Variants in CNTN3 observed in about 807,000 individuals in gnomAD.
CNTN3 encodes contactin 3, also known as contactin-3.
CNTN3 carries 60 observed loss-of-function variants against 119.1 expected under a neutral mutation model. That is an observed-to-expected ratio of 0.50 (90% CI 0.41 to 0.62). The LOEUF (loss-of-function observed/expected upper bound fraction) is 0.62, where lower values mean the gene tolerates loss of function less well. Ranked by LOEUF, CNTN3 falls within the 20% of genes least tolerant of loss-of-function variation. The pLI is 0.00. For synonymous variants in CNTN3, 450 were observed against 438.7 expected (o/e 1.03, Z -0.32); for missense variants, 1,101 against 1,242.4 (o/e 0.89, Z 1.71).
chr3:74,267,905 T>C (rs1170380752), intron 20 of CNTN3, among the ~76,000 whole-genome samples: 1 of 152,126 alleles, frequency 6.6e-6, no homozygotes, highest in African/African-American at 2.4e-5. Context: ...ATGAAGTGTA[T>C]ATGATTTTGG....
At chr3:74,359,525 T>C (rs984536078) in intron 11 of CNTN3, among the ~76,000 whole-genome samples, 1 of 152,128 alleles carries the variant, frequency 6.6e-6, no homozygotes, top group Non-Finnish European at 1.5e-5. Flanking sequence ...CAAAATTAAA[T>C]AGTTTGTGCC....
At chr3:74,597,088 G>A (rs547479938) in intron 1 of CNTN3, among the ~76,000 whole-genome samples, 2 of 151,994 alleles carry the variant, frequency 1.3e-5, no homozygotes, top group African/African-American at 2.4e-5. Context: ...CTTAATGAGA[G>A]GGGGGAAGGA....
intron 4 of CNTN3, among the ~76,000 whole-genome samples, chr3:74,463,953 A>G (rs1463798704): frequency 6.6e-6 from 1 of 152,190 alleles, no homozygotes; most frequent in East Asian, 1.9e-4. Flanking sequence ...TATTTAATGC[A>G]GTTGAAATTT....
intron 11 of CNTN3, among the ~76,000 whole-genome samples, chr3:74,337,407 C>A (rs761334284): frequency 3.3e-5 from 5 of 152,048 alleles, no homozygotes; most frequent in Admixed American, 3.3e-4. Flanking sequence ...GCATAGACAA[C>A]GTAGTACTCT....
At chr3:74,267,444 A>T in intron 20 of CNTN3, 66 bp from the exon 21 acceptor site, 1 of 1,114,670 alleles carries the variant, frequency 9.0e-7, no homozygotes, top group Non-Finnish European at 1.4e-6. Context: ...CACGGAGGAG[A>T]TGGCGGCTAT....
At chr3:74,277,700 C>T (rs181737781) in intron 20 of CNTN3, among the ~76,000 whole-genome samples, 1 of 152,068 alleles carries the variant, frequency 6.6e-6, no homozygotes, top group Admixed American at 6.5e-5. Flanking sequence ...CCTCTGAGAA[C>T]TGGAAAAAGA....
intron 18 of CNTN3, among the ~76,000 whole-genome samples, chr3:74,295,797 G>C (rs1702326724): frequency 6.6e-6 from 1 of 152,096 alleles, no homozygotes; most frequent in Non-Finnish European, 1.5e-5. Flanking sequence ...AAAAAGCACT[G>C]TTGAGATTCT....
intron 19 of CNTN3, among the ~76,000 whole-genome samples, chr3:74,288,093 T>A (rs1175086122): frequency 3.3e-5 from 5 of 152,056 alleles, no homozygotes; most frequent in African/African-American, 1.2e-4. Context: ...TTTTTTCCAG[T>A]GACATTTTCA....
intron 1 of CNTN3, among the ~76,000 whole-genome samples, chr3:74,523,107 T>C (rs1370690778): frequency 6.6e-6 from 1 of 151,338 alleles, no homozygotes; most frequent in East Asian, 2.0e-4. Context: ...TCCTTCCTTC[T>C]GCTCAATCAA....
At chr3:74,493,833 A>C (rs1703010623) in intron 3 of CNTN3, among the ~76,000 whole-genome samples, 1 of 152,210 alleles carries the variant, frequency 6.6e-6, no homozygotes, top group Non-Finnish European at 1.5e-5. Flanking sequence ...ATAATTGCTA[A>C]AGACCTAAAT....
intron 11 of CNTN3, among the ~76,000 whole-genome samples, chr3:74,353,769 A>C (rs1485459854): frequency 6.6e-6 from 1 of 152,088 alleles, no homozygotes; most frequent in Non-Finnish European, 1.5e-5. Flanking sequence ...AAAAAAATTA[A>C]TTAATTAATT....
At chr3:74,417,771 A>G (rs573155804) in intron 5 of CNTN3, among the ~76,000 whole-genome samples, 1 of 152,322 alleles carries the variant, frequency 6.6e-6, no homozygotes, top group African/African-American at 2.4e-5. Context: ...TTATATGTCA[A>G]TTGATTCAGA....
chr3:74,422,467 C>A (rs920066435), intron 5 of CNTN3, among the ~76,000 whole-genome samples: 1 of 152,156 alleles, frequency 6.6e-6, no homozygotes, highest in Admixed American at 6.5e-5. Context: ...AGAGAAAAAT[C>A]AGGATATCAT....
chr3:74,580,624 G>A lies in CNTN3; in HGVS notation c.-81+33767C>T, dbSNP rs554342987. 4.6e-5 allele frequency among the ~76,000 whole-genome samples: 7 copies of A among 152,150 alleles called. No homozygotes were observed. The East Asian group carries it at 7.7e-4, about 17-fold the overall frequency. ...GTGTAAAATGCCACATTAACAAAAC[G>A]TAACTATCTCAATAGATTAAGAAAG... On this transcript the variant is annotated intron_variant, in intron 1 of 22. Coordinates refer to ENST00000263665, the MANE Select transcript of CNTN3 (RefSeq NM_020872.3).
chr3:74,286,560 A>G (rs1702119056), intron 19 of CNTN3, among the ~76,000 whole-genome samples: 2 of 152,192 alleles, frequency 1.3e-5, no homozygotes, highest in Admixed American at 1.3e-4. Flanking sequence ...TAAACATTAC[A>G]AAAGCAAAGT....
intron 5 of CNTN3, among the ~76,000 whole-genome samples, chr3:74,405,226 GAATA>G: frequency 6.6e-6 from 1 of 152,088 alleles, no homozygotes; most frequent in Middle Eastern, 3.4e-3. Flanking sequence ...TATGCCAAAT[GAATA>G]GACAGTTATT....
intron 1 of CNTN3, among the ~76,000 whole-genome samples, chr3:74,527,052 T>C (rs1277176173): frequency 1.3e-5 from 2 of 151,920 alleles, no homozygotes; most frequent in Non-Finnish European, 1.5e-5. Flanking sequence ...TTCTTTTACA[T>C]AGGAATCATA....
chr3:74,309,116 T>C (rs780353457), intron 13 of CNTN3, among the ~76,000 whole-genome samples: 1 of 152,054 alleles, frequency 6.6e-6, no homozygotes. Flanking sequence ...TTTATTTATT[T>C]ATTTTTGAGA....
chr3:74,567,448 T>C (rs1162383139), intron 1 of CNTN3, among the ~76,000 whole-genome samples: 1 of 150,776 alleles, frequency 6.6e-6, no homozygotes, highest in Admixed American at 6.7e-5. Context: ...ACATGAGCTA[T>C]CATGCCTGGC....
Sources: allele counts gnomAD v4.1 joint callset (sites outside exome capture counted in the v4.1 genomes callset), GRCh38; gene constraint gnomAD v4.1.1; transcripts MANE v1.5; gene names NCBI Gene and HGNC (gene_info 2026-07-23, HGNC 2026-07-21).